Variants in AGTPBP1 observed in about 807,000 individuals in gnomAD.
AGTPBP1 encodes cytosolic carboxypeptidase 1.
AGTPBP1 carries 70 observed loss-of-function variants against 143.9 expected under a neutral mutation model. The observed-to-expected ratio is 0.49, with a 90% confidence interval of 0.40 to 0.59. AGTPBP1 has a LOEUF of 0.59. Ranked by LOEUF, AGTPBP1 falls within the 20% of genes least tolerant of loss-of-function variation. AGTPBP1 has a pLI of 0.00. For synonymous variants in AGTPBP1, 463 were observed against 500.2 expected, an observed-to-expected ratio of 0.93 and a Z score of 0.99; for missense variants, 1,229 against 1,464.5, an observed-to-expected ratio of 0.84 and a Z score of 2.62.
At chr9:85,587,054 T>G in intron 21 of AGTPBP1, 94 bp from the exon 22 acceptor site, 1 of 1,465,682 alleles carries the variant, frequency 6.8e-7, no homozygotes. Context: ...CTGATTTAAC[T>G]TTATGCTTCT....
Position 85,678,349 on chromosome 9 carries a change from T to C in AGTPBP1, c.275A>G (p.Glu92Gly). Residue 92 changes from glutamate (E) to glycine (G), a missense_variant, in exon 5 of 26, where the codon GAG becomes GGG. Around this residue, in one of 2 missense-constraint regions of AGTPBP1, gnomAD observed 743 missense variants for 812.2 expected, o/e 0.91. Coordinates refer to ENST00000357081, the MANE Select transcript of AGTPBP1 (RefSeq NM_001330701.2). ...TTLNILSILV[E>G]LVSAGGGRRV... ...CAAAAACTTACCAGCTGACACCAGC[T>C]CAACAAGAATGCTTAAGATATTAAG... 1.3e-6 allele frequency: 2 copies of C among 1,595,944 alleles called. No homozygotes were observed. Among genetic ancestry groups the C allele is most frequent in the Non-Finnish European group, 1.7e-6 (2 of 1,168,592 alleles).
intron 25 of AGTPBP1, among the ~76,000 whole-genome samples, chr9:85,573,902 G>C (rs1451319488): frequency 6.7e-6 from 1 of 149,938 alleles, no homozygotes. Flanking sequence ...GAGCCTCTCC[G>C]CCCGGCAGCT....
chr9:85,737,966 G>T (rs1823917122), intron 1 of AGTPBP1, among the ~76,000 whole-genome samples: 1 of 152,122 alleles, frequency 6.6e-6, no homozygotes, highest in Admixed American at 6.5e-5. Context: ...GGATGCAGGA[G>T]CAGATATGAT....
chr9:85,730,775 G>T (rs1838828538), intron 1 of AGTPBP1, among the ~76,000 whole-genome samples: 1 of 152,106 alleles, frequency 6.6e-6, no homozygotes. Flanking sequence ...CCTTATATCT[G>T]CTATTCCTAT....
Position 85,669,545 on chromosome 9 carries a change from A to G in AGTPBP1, c.602T>C (p.Val201Ala), listed in dbSNP as rs780121988. 6.2e-7 allele frequency: 1 copy of G among 1,612,100 alleles called. No homozygotes were observed. Among genetic ancestry groups the G allele is most frequent in the Admixed American group, 1.7e-5 (1 of 59,936 alleles). The change falls in exon 8 of 26, where the codon GTT becomes GCT. Residue 201 changes from valine to alanine, a missense_variant. Around this residue, in one of 2 missense-constraint regions of AGTPBP1, gnomAD observed 743 missense variants for 812.2 expected, o/e 0.91. Coordinates refer to ENST00000357081, the MANE Select transcript of AGTPBP1 (RefSeq NM_001330701.2). ...VNSVSLGKNG[V>A]VELMFKIIGP... is the part of the protein sequence containing the mutation. ...AATGATTTTAAACATCAGTTCCACAACTCCATTTTTCCCTAAGGATACTGA... is the reference window on the plus strand; with the variant it reads ...AATGATTTTAAACATCAGTTCCACAGCTCCATTTTTCCCTAAGGATACTGA...
At chr9:85,718,326 A>G (rs762682990) in intron 1 of AGTPBP1, among the ~76,000 whole-genome samples, 2 of 152,146 alleles carry the variant, frequency 1.3e-5, no homozygotes, top group African/African-American at 4.8e-5. Flanking sequence ...CCTCTCCAGT[A>G]TCTGTTGTTT....
chr9:85,788,384 C>A, the AGTPBP1 span, among the ~76,000 whole-genome samples: 1 of 148,772 alleles, frequency 6.7e-6, no homozygotes, highest in African/African-American at 2.5e-5. Flanking sequence ...ATGCACTGAC[C>A]TTTTGCCATT....
the AGTPBP1 span, among the ~76,000 whole-genome samples, chr9:85,766,754 A>G: frequency 0.02 from 3,048 of 152,240 alleles, 99 homozygotes; most frequent in African/African-American, 0.063. Flanking sequence ...GCCAAGGTTA[A>G]TATTCCAAAT....
chr9:85,762,570 A>G, the AGTPBP1 span, among the ~76,000 whole-genome samples: 2,754 of 143,690 alleles, frequency 0.019, 96 homozygotes, highest in African/African-American at 0.068. Flanking sequence ...GAATTGAACA[A>G]TGCGAACACT....
At chr9:85,681,701 C>G (rs964756396) in intron 3 of AGTPBP1, among the ~76,000 whole-genome samples, 1 of 142,970 alleles carries the variant, frequency 7.0e-6, no homozygotes, top group African/African-American at 2.6e-5. Context: ...TGGGTGAAAA[C>G]AAAAACCTAC....
chr9:85,572,007 T>TG (rs1827516931), intron 25 of AGTPBP1, among the ~76,000 whole-genome samples: 2 of 15,052 alleles, frequency 1.3e-4, no homozygotes, highest in Non-Finnish European at 1.9e-4. Flanking sequence ...TGTGTGTGTT[T>TG]TTTTTTTTTT....
chr9:85,695,516 G>A (rs1836166216), intron 2 of AGTPBP1, among the ~76,000 whole-genome samples: 1 of 152,202 alleles, frequency 6.6e-6, no homozygotes, highest in African/African-American at 2.4e-5. Context: ...TGGGTACAGA[G>A]TTGGCATTGC....
intron 7 of AGTPBP1, among the ~76,000 whole-genome samples, chr9:85,670,745 T>C (rs2134062907): frequency 6.6e-6 from 1 of 152,302 alleles, no homozygotes; most frequent in South Asian, 2.1e-4. Context: ...AGATAAGCCA[T>C]CTGCTAGCCT....
intron 19 of AGTPBP1, among the ~76,000 whole-genome samples, chr9:85,590,913 G>C (rs892816196): frequency 6.6e-6 from 1 of 152,088 alleles, no homozygotes; most frequent in African/African-American, 2.4e-5. Flanking sequence ...CAAAAGCATA[G>C]TATACATACC....
intron 13 of AGTPBP1, among the ~76,000 whole-genome samples, chr9:85,638,493 T>C (rs1832233264): frequency 6.6e-6 from 1 of 151,992 alleles, no homozygotes; most frequent in Non-Finnish European, 1.5e-5. Context: ...ATTTCATAAA[T>C]ATAAATCCAA....
At chr9:85,711,182 C>T (rs1020696075) in intron 2 of AGTPBP1, among the ~76,000 whole-genome samples, 2 of 152,092 alleles carry the variant, frequency 1.3e-5, no homozygotes, top group African/African-American at 4.8e-5. Flanking sequence ...AAGCCAAATA[C>T]CATTTAATCT....
At chr9:85,732,504 C>T (rs1343727176) in intron 1 of AGTPBP1, among the ~76,000 whole-genome samples, 2 of 151,820 alleles carry the variant, frequency 1.3e-5, no homozygotes, top group Non-Finnish European at 1.5e-5. Context: ...TGAAGAAAAC[C>T]ACTATAACCC....
chr9:85,641,311 T>C (rs1030419998), intron 13 of AGTPBP1, among the ~76,000 whole-genome samples: 1 of 152,200 alleles, frequency 6.6e-6, no homozygotes, highest in African/African-American at 2.4e-5. Flanking sequence ...TCTGCCTTGA[T>C]TTAGCAGTAT....
intron 3 of AGTPBP1, 52 bp from the exon 4 acceptor site, chr9:85,681,387 T>C (rs762425721): frequency 1.3e-6 from 2 of 1,500,730 alleles, no homozygotes; most frequent in Non-Finnish European, 1.8e-6. Context: ...TAAAAGTATG[T>C]ATAGTTTTGT....
Sources: allele counts gnomAD v4.1 joint callset (sites outside exome capture counted in the v4.1 genomes callset), GRCh38; gene constraint gnomAD v4.1.1; regional missense constraint gnomAD v4.1.1; transcripts MANE v1.5; gene names NCBI Gene and HGNC (gene_info 2026-07-23, HGNC 2026-07-21).